Variants in SOCS6 observed in about 807,000 individuals in gnomAD.
The protein encoded by SOCS6 is suppressor of cytokine signaling 6.
A neutral mutation model predicts 27.7 loss-of-function variants in SOCS6; 5 were observed. The ratio of observed to expected loss-of-function variants is 0.18; its 90% CI spans 0.09 to 0.38. The LOEUF (loss-of-function observed/expected upper bound fraction) is 0.38. SOCS6 is among the 10% of genes least tolerant of loss of function. The pLI is 1.00. For missense variants in SOCS6, 595 were observed against 688.1 expected, an observed-to-expected ratio of 0.86 and a Z score of 1.51; for synonymous variants, 271 against 260.0, an observed-to-expected ratio of 1.04 and a Z score of -0.41.
At chr18:70,319,608 TAAA>T (rs34494275) in intron 1 of SOCS6, among the ~76,000 whole-genome samples, 44,625 of 125,922 alleles carry the variant, frequency 0.35, 7,980 homozygotes, top group East Asian at 0.72. Context: ...AGCACTTCAG[TAAA>T]AAAAAAAAAA....
chr18:70,314,666 G>C (rs1411126690), intron 1 of SOCS6, among the ~76,000 whole-genome samples: 1 of 152,084 alleles, frequency 6.6e-6, no homozygotes, highest in Non-Finnish European at 1.5e-5. Flanking sequence ...GAACATACCT[G>C]TTGTTCAGCT....
chr18:70,311,050 G>GAAGTAGCAGCCTTA (rs1400034387), intron 1 of SOCS6, among the ~76,000 whole-genome samples: 160 of 152,274 alleles, frequency 1.1e-3, no homozygotes, highest in African/African-American at 3.7e-3. Flanking sequence ...AGCAGCAGCA[G>GAAGTAGCAGCCTTA]AAGTAGCAGC....
At chr18:70,315,176 G>A (rs1185473229) in intron 1 of SOCS6, among the ~76,000 whole-genome samples, 1 of 151,886 alleles carries the variant, frequency 6.6e-6, no homozygotes, top group Non-Finnish European at 1.5e-5. Flanking sequence ...GGTCGTCTTT[G>A]TCAAATTTTG....
chr18:70,299,132 AAAAG>A (rs915581716), intron 1 of SOCS6, among the ~76,000 whole-genome samples: 2 of 152,148 alleles, frequency 1.3e-5, no homozygotes, highest in African/African-American at 2.4e-5. Flanking sequence ...TAAAAACAAA[AAAAG>A]AAAACTGAGT....
At chr18:70,300,279 A>C (rs2062342587) in intron 1 of SOCS6, among the ~76,000 whole-genome samples, 2 of 152,016 alleles carry the variant, frequency 1.3e-5, no homozygotes, top group Non-Finnish European at 2.9e-5. Flanking sequence ...GGCACCCACC[A>C]CCACACCTGG....
chr18:70,300,104 G>A (rs184311456), intron 1 of SOCS6, among the ~76,000 whole-genome samples: 32 of 152,082 alleles, frequency 2.1e-4, no homozygotes, highest in Admixed American at 7.9e-4. Flanking sequence ...ATTAAGGAGA[G>A]GTGTGCAGTC....
Position 70,324,783 on chromosome 18 carries a change from G to C in SOCS6, c.115G>C (p.Asp39His). The C allele has an allele frequency of 6.2e-7, 1 of 1,614,172 alleles. No individual in the cohort carries two copies. The change falls in exon 2 of 2, where the codon GAT becomes CAT. Residue 39 changes from aspartate to histidine, a missense_variant. Asp to His is a moderately conservative substitution (Grantham distance 81). Around this residue, in one of 2 missense-constraint regions of SOCS6, gnomAD observed 467 missense variants for 481.1 expected, o/e 0.97. Coordinates refer to ENST00000397942, the MANE Select transcript of SOCS6 (RefSeq NM_004232.4). ...QPSLASDFGK[D>H]DSLFGSCYGK... is the part of the protein sequence containing the mutation. ...ATCGCTAGCCAGTGACTTTGGAAAA[G>C]ATGATTCCTTATTTGGTAGCTGCTA...
At chr18:70,291,242 G>A (rs2062297999) in intron 1 of SOCS6, among the ~76,000 whole-genome samples, 1 of 152,150 alleles carries the variant, frequency 6.6e-6, no homozygotes, top group South Asian at 2.1e-4. Flanking sequence ...GAGTAGCTTG[G>A]ACCACAGACA....
chr18:70,325,982 T>C lies in SOCS6; in HGVS notation c.1314T>C (p.Gly438=), dbSNP rs747750489. ...ACACTAGAATTGAGCACTCAAATGG[T>C]AGGTTTAGCTTTTATGAACAGCCAG... ...TLHTRIEHSN[G]RFSFYEQPDV... Residue 438 remains glycine, a synonymous_variant, in exon 2 of 2, where the codon GGT becomes GGC. Transcript: ENST00000397942. The surrounding 1 kb of genome is among the most constrained non-coding windows in gnomAD (Gnocchi z 6.3). 1 of 1,614,210 alleles carries C rather than the reference T, an allele frequency of 6.2e-7. No homozygotes were observed. The highest frequency in any genetic ancestry group is 1.7e-5 in the Admixed American group (1 of 60,022).
chr18:70,315,856 G>A (rs1891765225), intron 1 of SOCS6, among the ~76,000 whole-genome samples: 1 of 151,848 alleles, frequency 6.6e-6, no homozygotes, highest in Non-Finnish European at 1.5e-5. Context: ...ATTTTGATAT[G>A]TTTTTTTGTT....
intron 1 of SOCS6, among the ~76,000 whole-genome samples, chr18:70,304,311 C>T (rs965719107): frequency 1.3e-5 from 2 of 152,072 alleles, no homozygotes; most frequent in Admixed American, 1.3e-4. Context: ...GTTTACCTGC[C>T]GTGTGATAAA....
At chr18:70,298,696 A>G (rs2062335112) in intron 1 of SOCS6, among the ~76,000 whole-genome samples, 1 of 152,186 alleles carries the variant, frequency 6.6e-6, no homozygotes, top group African/African-American at 2.4e-5. Context: ...TAAGATACCT[A>G]TATTAATTTG....
At chr18:70,311,487 A>T (rs1018948698) in intron 1 of SOCS6, among the ~76,000 whole-genome samples, 4 of 152,186 alleles carry the variant, frequency 2.6e-5, no homozygotes, top group Non-Finnish European at 5.9e-5. Context: ...TTTTTTACTT[A>T]GAGTGCCTTA....
In SOCS6 at chr18:70,327,117, T is replaced by A. The variant is rs1911238967; in HGVS notation, c.*841T>A. On this transcript the variant is annotated 3_prime_UTR_variant, in exon 2 of 2. Transcript: ENST00000397942. ...TTATTAAAGAAATATTAGATGATCA[T>A]AGCTTCCTGTGATAGCATTTTTTTG... 1 of 166,972 alleles carries A rather than the reference T, an allele frequency of 6.0e-6. No individual in the cohort carries two copies. The highest frequency in any genetic ancestry group is 6.5e-5 in the Admixed American group (1 of 15,286). 10.3% of individuals were successfully genotyped at this position (166,972 alleles called of 1,614,324 possible). A position where few individuals can be genotyped will look rare whatever the true frequency, so the allele number is the denominator to read the frequency against.
intron 1 of SOCS6, among the ~76,000 whole-genome samples, chr18:70,312,473 C>A (rs1436113412): frequency 6.6e-6 from 1 of 152,114 alleles, no homozygotes; most frequent in Non-Finnish European, 1.5e-5. Flanking sequence ...ATTTTCAAAT[C>A]ATCTTTTACA....
intron 1 of SOCS6, among the ~76,000 whole-genome samples, chr18:70,292,811 C>T (rs1047483259): frequency 1.3e-5 from 2 of 152,240 alleles, no homozygotes; most frequent in African/African-American, 2.4e-5. Context: ...TGCTCCGCCA[C>T]CTTTGACACA....
chr18:70,321,614 G>C (rs1910997775), intron 1 of SOCS6, among the ~76,000 whole-genome samples: 2 of 151,316 alleles, frequency 1.3e-5, no homozygotes, highest in Admixed American at 1.3e-4. Context: ...ACAGAAGTGA[G>C]CCATCATGCC....
At chr18:70,306,617 G>GTTGAC (rs1286338424) in intron 1 of SOCS6, among the ~76,000 whole-genome samples, 1 of 151,870 alleles carries the variant, frequency 6.6e-6, no homozygotes, top group Non-Finnish European at 1.5e-5. Flanking sequence ...TCAGTACAGT[G>GTTGAC]TTGAGTAGAG....
chr18:70,314,359 A>T (rs1268041116), intron 1 of SOCS6: 5 of 152,168 alleles, frequency 3.3e-5, no homozygotes, highest in Non-Finnish European at 7.3e-5. Flanking sequence ...TGATACAGTC[A>T]TGCCCTGCAA....
Sources: gnomAD v4.1 joint callset for allele counts (sites outside exome capture counted in the v4.1 genomes callset) on GRCh38, gnomAD v4.1.1 for gene constraint, gnomAD v4.1.1 regional missense constraint, Gnocchi (gnomAD v3.1) non-coding constraint, MANE v1.5 for transcripts, NCBI Gene and HGNC (gene_info 2026-07-23, HGNC 2026-07-21) for gene names.